Variants in GRIN2A observed in about 807,000 individuals in gnomAD.
GRIN2A encodes the protein glutamate receptor ionotropic, NMDA 2A.
GRIN2A carries 22 observed loss-of-function variants against 113.4 expected under a neutral mutation model. That is an observed-to-expected ratio of 0.19 (90% CI 0.14 to 0.28). The LOEUF (loss-of-function observed/expected upper bound fraction) is 0.28. Ranked by LOEUF, GRIN2A falls within the 10% of genes least tolerant of loss-of-function variation. The pLI is 1.00. For synonymous variants in GRIN2A, 827 were observed against 738.4 expected, an observed-to-expected ratio of 1.12 and a Z score of -1.94; for missense variants, 1,502 against 1,887.0, an observed-to-expected ratio of 0.80 and a Z score of 3.78.
rs187773035 is a variant in GRIN2A at position 10,117,098 on chromosome 16, A to G, written c.414+62900T>C. Among the ~76,000 whole-genome samples the G allele has an allele frequency of 1.5e-3, 229 of 151,086 alleles. 1 individual carries two copies. The highest frequency in any genetic ancestry group is 5.4e-3 in the African/African-American group (221 of 41,192). ...AAAAGTAGCTAAGCTTACTCCATGC[A>G]CAGGTGAATTCAGGACCCAAAATCT... On this transcript the variant is annotated intron_variant, in intron 2 of 12. Coordinates refer to ENST00000330684, the MANE Select transcript of GRIN2A (RefSeq NM_001134407.3).
intron 2 of GRIN2A, among the ~76,000 whole-genome samples, chr16:10,154,105 T>C (rs1347601383): frequency 6.6e-6 from 1 of 152,128 alleles, no homozygotes; most frequent in Admixed American, 6.5e-5. Context: ...CTTGAATCAG[T>C]TGTGGCAATC....
At chr16:10,041,628 G>C (rs541196798) in intron 2 of GRIN2A, among the ~76,000 whole-genome samples, 1 of 152,282 alleles carries the variant, frequency 6.6e-6, no homozygotes, top group Non-Finnish European at 1.5e-5. Flanking sequence ...TAAAATGGGA[G>C]TAATATTGCC....
intron 2 of GRIN2A, among the ~76,000 whole-genome samples, chr16:10,004,087 T>A (rs3104709): frequency 0.86 from 130,668 of 152,120 alleles, 56,522 homozygotes; most frequent in African/African-American, 0.89. Context: ...GGTTGAGAAC[T>A]CACAAATAAA....
At chr16:10,118,932 C>T (rs1440074565) in intron 2 of GRIN2A, among the ~76,000 whole-genome samples, 5 of 152,190 alleles carry the variant, frequency 3.3e-5, no homozygotes, top group Middle Eastern at 3.4e-3. Context: ...AAGAAAGGGG[C>T]GTGTTTTCTC....
chr16:10,078,599 A>G (rs1195584112), intron 2 of GRIN2A, among the ~76,000 whole-genome samples: 1 of 152,118 alleles, frequency 6.6e-6, no homozygotes, highest in Non-Finnish European at 1.5e-5. Context: ...CCACGTAGTC[A>G]TGTCCCCATG....
intron 2 of GRIN2A, among the ~76,000 whole-genome samples, chr16:10,022,260 C>T (rs1404325413): frequency 6.6e-6 from 1 of 151,582 alleles, no homozygotes; most frequent in Non-Finnish European, 1.5e-5. Context: ...GCCTTACACA[C>T]ACATACACAT....
intron 2 of GRIN2A, among the ~76,000 whole-genome samples, chr16:10,032,179 T>G (rs1485481236): frequency 6.6e-6 from 1 of 152,246 alleles, no homozygotes; most frequent in Non-Finnish European, 1.5e-5. Flanking sequence ...TATAGTAGGC[T>G]TTCAAGAAAT....
intron 4 of GRIN2A, among the ~76,000 whole-genome samples, chr16:9,855,036 T>C (rs1241692479): frequency 6.6e-6 from 1 of 151,786 alleles, no homozygotes; most frequent in African/African-American, 2.4e-5. Flanking sequence ...GCTGTATACA[T>C]GTACATGTAT....
At chr16:9,897,879 A>C (rs1005457590) in intron 3 of GRIN2A, among the ~76,000 whole-genome samples, 3 of 152,138 alleles carry the variant, frequency 2.0e-5, no homozygotes, top group Non-Finnish European at 4.4e-5. Context: ...TCTAGTGCTA[A>C]ACAGGGTGTG....
rs1056017797 is a variant in GRIN2A at position 9,757,384 on chromosome 16, T to G, written c.*5765A>C. 2.2e-5 allele frequency: 5 copies of G among 227,088 alleles called. No homozygotes were observed. Among genetic ancestry groups the G allele is most frequent in the African/African-American group, 1.1e-4 (5 of 44,908 alleles). 14.1% of individuals were successfully genotyped at this position (227,088 alleles called of 1,614,324 possible). On this transcript the variant is annotated 3_prime_UTR_variant, in exon 13 of 13. Transcript: ENST00000330684. The stretch of plus-strand genomic sequence containing the variant: ...TTTTTTTTTTTTTTTAAAAAAGGTA[T>G]GCTCATAGAATCAGATTATTTTTTT...
intron 2 of GRIN2A, among the ~76,000 whole-genome samples, chr16:10,157,306 G>A (rs2049718084): frequency 6.6e-6 from 1 of 152,178 alleles, no homozygotes; most frequent in Admixed American, 6.5e-5. Context: ...TTAAAAGTAT[G>A]CAGGATAAAA....
At chr16:10,115,435 T>A (rs2048712500) in intron 2 of GRIN2A, among the ~76,000 whole-genome samples, 1 of 152,164 alleles carries the variant, frequency 6.6e-6, no homozygotes, top group African/African-American at 2.4e-5. Flanking sequence ...ACCCCACTCC[T>A]CTCTTGTCTT....
intron 2 of GRIN2A, among the ~76,000 whole-genome samples, chr16:10,125,702 G>C (rs2048919624): frequency 6.6e-6 from 1 of 151,966 alleles, no homozygotes; most frequent in African/African-American, 2.4e-5. Flanking sequence ...AGGCCTACAG[G>C]AGGCTGGATG....
rs1241197215 is a variant in GRIN2A, at chr16:9,815,305, A to C, written c.2168+6959T>G. Among the ~76,000 whole-genome samples the C allele has an allele frequency of 3.3e-5, 5 of 152,114 alleles. No homozygotes were observed. In the East Asian group the frequency reaches 7.7e-4, roughly 23 times the overall value. On this transcript the variant is annotated intron_variant, in intron 10 of 12. Transcript: ENST00000330684. ...AAGACACTATCAATGTAATAGCTAG[A>C]ATATAAAAAGGTAACCCATGGAATA...
chr16:9,824,688 C>T (rs1159189250), intron 9 of GRIN2A, among the ~76,000 whole-genome samples: 1 of 152,182 alleles, frequency 6.6e-6, no homozygotes, highest in African/African-American at 2.4e-5. Context: ...TAAAGCATGA[C>T]TCACAATACG....
At chr16:9,799,779 A>G (rs1903242898) in intron 10 of GRIN2A, among the ~76,000 whole-genome samples, 1 of 152,142 alleles carries the variant, frequency 6.6e-6, no homozygotes, top group Non-Finnish European at 1.5e-5. Context: ...CTTTTTTGAT[A>G]CACTTATTTT....
chr16:9,900,034 C>T (rs1321685180), intron 3 of GRIN2A, among the ~76,000 whole-genome samples: 2 of 152,130 alleles, frequency 1.3e-5, no homozygotes, highest in Non-Finnish European at 2.9e-5. Context: ...CACTAAATGA[C>T]GTCTAATGAG....
In GRIN2A at chr16:10,013,111, C is replaced by T. The variant is rs914433250; in HGVS notation, c.415-74560G>A. 5.3e-5 allele frequency among the ~76,000 whole-genome samples: 8 copies of T among 152,198 alleles called. No individual in the cohort carries two copies. In the East Asian group the frequency reaches 9.7e-4, roughly 18 times the overall value. On this transcript the variant is annotated intron_variant, in intron 2 of 12. Coordinates refer to ENST00000330684, the MANE Select transcript of GRIN2A (RefSeq NM_001134407.3). ...AACAAACCCCAGTGACACGTGTTTA[C>T]CTATGTAACAAACCTTCGCATGTAC...
At chr16:9,871,214 C>G (rs1481729196) in intron 4 of GRIN2A, among the ~76,000 whole-genome samples, 33 of 152,118 alleles carry the variant, frequency 2.2e-4, no homozygotes, top group Non-Finnish European at 1.5e-5. Context: ...TGTCAACCAC[C>G]AAGCCTCATT....
Sources: allele counts gnomAD v4.1 joint callset (sites outside exome capture counted in the v4.1 genomes callset), GRCh38; gene constraint gnomAD v4.1.1; transcripts MANE v1.5; gene names NCBI Gene and HGNC (gene_info 2026-07-23, HGNC 2026-07-21).